The following DNASE1 variants were observed in gnomAD, a reference collection of about 807,000 sequenced individuals.
DNASE1 encodes the protein deoxyribonuclease 1, also known as deoxyribonuclease-1.
Under a neutral mutation model 33.9 loss-of-function variants are expected in DNASE1, and 40 were observed. The ratio of observed to expected loss-of-function variants is 1.18; its 90% CI spans 0.92 to 1.54. The LOEUF (loss-of-function observed/expected upper bound fraction) is 1.54, where lower values mean the gene tolerates loss of function less well. DNASE1 is among the 40% of genes most tolerant of loss of function. DNASE1 has a pLI of 0.00. For missense variants in DNASE1, 518 were observed against 372.6 expected (o/e 1.39, Z -3.21); for synonymous variants, 216 against 160.0 (o/e 1.35, Z -2.64).
intron 2 of DNASE1, 61 bp downstream of exon 2, chr16:3,655,581 C>T (rs867913864): frequency 8.7e-6 from 14 of 1,608,946 alleles, no homozygotes; most frequent in Middle Eastern, 3.3e-4. Flanking sequence ...GGCTGGTGGG[C>T]AGGGCCAGCC....
intron 1 of DNASE1, among the ~76,000 whole-genome samples, chr16:3,614,114 A>T (rs377295949): frequency 6.6e-6 from 1 of 152,014 alleles, no homozygotes; most frequent in East Asian, 1.9e-4. Context: ...GGGTTTCACC[A>T]TATTAGCCAG....
chr16:3,630,234 G>A (rs2041655221), intron 1 of DNASE1, among the ~76,000 whole-genome samples: 2 of 152,046 alleles, frequency 1.3e-5, no homozygotes, highest in South Asian at 2.1e-4. Context: ...AGACTGGAGT[G>A]CAGTTGCGTG....
chr16:3,658,747 G>T, downstream of DNASE1: 1 of 1,572,052 alleles, frequency 6.4e-7, no homozygotes. Context: ...GGCTGGCAGG[G>T]CTGGTAGCCT....
chr16:3,623,650 A>G (rs970634821), intron 1 of DNASE1, among the ~76,000 whole-genome samples: 3 of 152,162 alleles, frequency 2.0e-5, no homozygotes, highest in South Asian at 4.1e-4. Context: ...TAAGTGAGCA[A>G]AGGCTGGGCG....
At chr16:3,664,085 A>C in exon 10 of DNASE1, 3 of 608,392 alleles carry the variant, frequency 4.9e-6, no homozygotes, top group Non-Finnish European at 8.0e-6. Flanking sequence ...AACAAACAAA[A>C]AAAACCACAT....
At chr16:3,628,835 A>C (rs1195103725) in intron 1 of DNASE1, among the ~76,000 whole-genome samples, 10 of 144,542 alleles carry the variant, frequency 6.9e-5, no homozygotes, top group African/African-American at 1.8e-4. Context: ...CTGGGATTAC[A>C]GGCGTGAGCC....
At chr16:3,643,874 G>A (rs915175438) in intron 1 of DNASE1, among the ~76,000 whole-genome samples, 2 of 152,208 alleles carry the variant, frequency 1.3e-5, no homozygotes. Flanking sequence ...CCATTCTCCT[G>A]CCTCAGCCTC....
intron 1 of DNASE1, among the ~76,000 whole-genome samples, chr16:3,649,075 A>G (rs1596625281): frequency 1.3e-5 from 2 of 152,198 alleles, no homozygotes; most frequent in Middle Eastern, 3.4e-3. Context: ...TTAGATCTAG[A>G]GGTTTGATCA....
At chr16:3,646,358 G>A (rs961478394) in intron 1 of DNASE1, among the ~76,000 whole-genome samples, 19 of 152,150 alleles carry the variant, frequency 1.2e-4, no homozygotes, top group East Asian at 7.7e-4. Flanking sequence ...CTTGGCCACC[G>A]CTTCCTGGAG....
At chr16:3,652,306 C>G (rs1054818948), upstream of DNASE1, 1 of 152,286 alleles carries the variant, frequency 6.6e-6, no homozygotes, top group Admixed American at 6.5e-5. Flanking sequence ...TCCCTGTGCC[C>G]CGCCGGAAGC....
intron 1 of DNASE1, 82 bp downstream of exon 1, chr16:3,655,126 G>T (rs892565607): frequency 5.6e-5 from 34 of 602,104 alleles, no homozygotes; most frequent in South Asian, 4.0e-4. Context: ...CTCCAGCAGC[G>T]AGTGAGGCGG....
intron 1 of DNASE1, among the ~76,000 whole-genome samples, chr16:3,648,790 C>G (rs571169076): frequency 1.3e-5 from 2 of 152,310 alleles, no homozygotes; most frequent in Non-Finnish European, 2.9e-5. Context: ...ACACAAATGT[C>G]TGTTTGCATG....
chr16:3,643,236 G>A lies in DNASE1; in HGVS notation c.-86+200G>A, dbSNP rs368166257. Among the ~76,000 whole-genome samples the A allele has an allele frequency of 3.3e-5, 5 of 152,368 alleles. No homozygotes were observed. In the South Asian group the frequency reaches 8.3e-4, roughly 25 times the overall value. On this transcript the variant is annotated intron_variant, in intron 1 of 9. Coordinates refer to the DNASE1 transcript ENST00000407479. ...ACCTGAGGGGCCAAGACCCCTGAGC[G>A]AAGGAGCCAGAGAAGAGAGACGGAC...
Position 3,657,291 on chromosome 16 carries a change from C to T in DNASE1, c.654C>T (p.Ile218=), listed in dbSNP as rs777526608. 6 of 1,613,936 alleles carry T rather than the reference C, an allele frequency of 3.7e-6. No homozygotes were observed. In the Admixed American group the frequency reaches 6.7e-5, roughly 18 times the overall value. Residue 218 remains isoleucine (I), a synonymous_variant, in exon 7 of 9, where the codon ATC becomes ATT. Coordinates refer to ENST00000246949, the MANE Select transcript of DNASE1 (RefSeq NM_005223.4). ...CAAGCCCCACCTTCCAGTGGCTGAT[C>T]CCCGACAGCGCTGACACCACAGCTA... ...LWTSPTFQWL[I]PDSADTTATP...
chr16:3,636,822 G>GA (rs1241252892), intron 1 of DNASE1, among the ~76,000 whole-genome samples: 1 of 149,748 alleles, frequency 6.7e-6, no homozygotes, highest in Non-Finnish European at 1.5e-5. Flanking sequence ...TCTGTCTGGG[G>GA]AAAAAAAGAA....
intron 1 of DNASE1, among the ~76,000 whole-genome samples, chr16:3,620,212 G>C (rs988555680): frequency 3.9e-5 from 6 of 152,098 alleles, no homozygotes; most frequent in Non-Finnish European, 8.8e-5. Flanking sequence ...CACCTCGCCA[G>C]GCCTGTGTAT....
At chr16:3,620,648 G>A (rs1433961319) in intron 1 of DNASE1, among the ~76,000 whole-genome samples, 1 of 151,882 alleles carries the variant, frequency 6.6e-6, no homozygotes, top group Admixed American at 6.6e-5. Context: ...TATATTTATA[G>A]TTTTTATCAT....
exon 10 of DNASE1, chr16:3,663,227 A>G: frequency 1.4e-6 from 1 of 719,716 alleles, no homozygotes; most frequent in Non-Finnish European, 2.2e-6. Context: ...CCGTGGCAGG[A>G]GCACTGGACA....
At position 3,657,216 on chromosome 16, in the gene DNASE1, G is replaced by A. The variant is rs34984360; in HGVS notation, c.579G>A (p.Ala193=). 41 of 1,613,922 alleles carry A rather than the reference G, an allele frequency of 2.5e-5. No homozygotes were observed. In the African/African-American group the frequency reaches 2.8e-4, roughly 11 times the overall value. The change falls in exon 7 of 9, where the codon GCG becomes GCA. Residue 193 remains alanine (A), a synonymous_variant. Transcript: ENST00000246949. ...EDVMLMGDFN[A]GCSYVRPSQW... is the part of the protein sequence containing the mutation. ...TCATGTTGATGGGCGACTTCAATGC[G>A]GGCTGCAGCTATGTGAGACCCTCCC... is the stretch of plus-strand genomic sequence containing the variant.
Sources: gnomAD v4.1 joint callset for allele counts (sites outside exome capture counted in the v4.1 genomes callset) on GRCh38, gnomAD v4.1.1 for gene constraint, MANE v1.5 for transcripts, NCBI Gene and HGNC (gene_info 2026-07-23, HGNC 2026-07-21) for gene names.